FN1: variants seen among roughly 807,000 people sequenced by gnomAD.
FN1 encodes fibronectin.
A neutral mutation model predicts 297.3 loss-of-function variants in FN1; 106 were observed. That is an observed-to-expected ratio of 0.36 (90% confidence interval 0.30 to 0.42). FN1 has a LOEUF of 0.42. FN1 is among the 10% of genes least tolerant of loss of function. The pLI is 1.00. For missense variants in FN1, 2,690 were observed against 3,124.9 expected (o/e 0.86, Z 3.32); for synonymous variants, 1,149 against 1,152.6 (o/e 1.00, Z 0.06).
intron 22 of FN1, 89 bp downstream of exon 22, chr2:215,397,591 C>T (rs969401681): frequency 9.0e-7 from 1 of 1,105,456 alleles, no homozygotes; most frequent in South Asian, 1.3e-5. Flanking sequence ...GTGCCATTCT[C>T]ATAAGTAAAA....
At chr2:215,430,882 A>T (rs201728015) in intron 4 of FN1, 30 bp from the exon 5 acceptor site, 84 of 1,612,560 alleles carry the variant, frequency 5.2e-5, no homozygotes, top group Non-Finnish European at 7.0e-5. Context: ...AAAAACAGGA[A>T]AAAAAGGTTA....
Position 215,431,922 on chromosome 2 carries a change from G to A in FN1, c.458C>T (p.Thr153Ile), listed in dbSNP as rs757351972. 8 of 1,614,012 alleles carry A rather than the reference G, an allele frequency of 5.0e-6. No individual in the cohort carries two copies. The highest frequency in any genetic ancestry group is 5.9e-6 in the Non-Finnish European group (7 of 1,180,008). ...ACCAGTCTCATGTGGTCTCCTCCAG[G>A]TGTCACCAATCTTGTAGGACTGACC... ...EGGQSYKIGD[T>I]WRRPHETGGY... Residue 153 changes from threonine (T) to isoleucine (I), a missense_variant, in exon 4 of 46, where the codon ACC (threonine) becomes ATC (isoleucine). Around this residue, in one of 3 missense-constraint regions of FN1, gnomAD observed 876 missense variants for 1,058.1 expected, o/e 0.83. Coordinates refer to ENST00000354785, the MANE Select transcript of FN1 (RefSeq NM_212482.4).
At chr2:215,422,385 G>C (rs2064558298) in intron 9 of FN1, 142 bp from the exon 10 acceptor site, 2 of 835,762 alleles carry the variant, frequency 2.4e-6, no homozygotes, top group East Asian at 4.9e-5. Context: ...AGACATCTAA[G>C]TGCTGTCAGG....
intron 12 of FN1, among the ~76,000 whole-genome samples, chr2:215,417,201 A>T (rs2063549213): frequency 6.6e-6 from 1 of 152,188 alleles, no homozygotes; most frequent in Admixed American, 6.6e-5. Flanking sequence ...ATAACTTTTT[A>T]AATTAACTTA....
chr2:215,374,892 CA>C (rs2056980824), intron 38 of FN1, among the ~76,000 whole-genome samples: 1 of 152,296 alleles, frequency 6.6e-6, no homozygotes, highest in Non-Finnish European at 1.5e-5. Context: ...AGTGTAATGA[CA>C]GAATCACAAT....
chr2:215,401,265 A>AGGAAGGAAGGAAGGAAG (rs1553629825), intron 20 of FN1, among the ~76,000 whole-genome samples: 2 of 110,860 alleles, frequency 1.8e-5, no homozygotes, highest in Non-Finnish European at 1.9e-5. Flanking sequence ...AAAGAAAGGA[A>AGGAAGGAAGGAAGGAAG]GGAAAGGAAA....
intron 6 of FN1, 114 bp downstream of exon 6, chr2:215,428,066 T>C: frequency 2.4e-6 from 3 of 1,243,246 alleles, no homozygotes; most frequent in Non-Finnish European, 3.5e-6. Context: ...CTTAGGTTAT[T>C]AGCTGAAACA....
chr2:215,434,928 A>C (rs1471164401), intron 1 of FN1, 104 bp from the exon 2 acceptor site: 4 of 1,324,816 alleles, frequency 3.0e-6, no homozygotes, highest in Non-Finnish European at 4.3e-6. Context: ...TTTCCTTTTA[A>C]CTTTGCTAAA....
At chr2:215,405,731 A>G (rs2061693280) in intron 19 of FN1, among the ~76,000 whole-genome samples, 1 of 152,136 alleles carries the variant, frequency 6.6e-6, no homozygotes, top group Non-Finnish European at 1.5e-5. Context: ...CGACAGAGCG[A>G]GACTCCATCT....
chr2:215,375,210 A>C lies in FN1; in HGVS notation c.6157+4T>G. 1.9e-6 allele frequency: 3 copies of C among 1,613,192 alleles called. No individual in the cohort carries two copies. The highest frequency in any genetic ancestry group is 2.5e-6 in the Non-Finnish European group (3 of 1,179,160). ...GGAAAATGACAGCATGGAAGCAGCA[A>C]TACCAGTAATAGTAGCCTCTGTGAC... On this transcript the variant is annotated splice_donor_region_variant and intron_variant, in intron 38 of 45. Coordinates refer to ENST00000354785, the MANE Select transcript of FN1 (RefSeq NM_212482.4).
At chr2:215,428,974 C>T (rs1378025427) in intron 5 of FN1, among the ~76,000 whole-genome samples, 1 of 151,966 alleles carries the variant, frequency 6.6e-6, no homozygotes, top group Non-Finnish European at 1.5e-5. Context: ...GAGATCACAC[C>T]ATTGCACTCC....
chr2:215,372,427 A>G, intron 39 of FN1, 52 bp from the exon 40 acceptor site: 3 of 1,304,312 alleles, frequency 2.3e-6, no homozygotes, highest in African/African-American at 2.9e-5. Context: ...AGCTCCAGGA[A>G]GTAGCAGCAA....
At chr2:215,423,011 A>C (rs1309503294) in intron 9 of FN1, among the ~76,000 whole-genome samples, 1 of 152,222 alleles carries the variant, frequency 6.6e-6, no homozygotes, top group Non-Finnish European at 1.5e-5. Flanking sequence ...AAATGTTGTA[A>C]GCTACTCAGT....
chr2:215,397,929 TTAAA>T, intron 21 of FN1, 81 bp from the exon 22 acceptor site: 2 of 1,229,376 alleles, frequency 1.6e-6, no homozygotes, highest in Admixed American at 1.7e-5. Flanking sequence ...TGATTATGCT[TTAAA>T]TAGTGTAAAC....
rs974828684 is a variant in FN1 at position 215,365,813 on chromosome 2, T to A, written c.7019-183A>T. On this transcript the variant is annotated intron_variant, in intron 42 of 45. Coordinates refer to ENST00000354785, the MANE Select transcript of FN1 (RefSeq NM_212482.4). ...TTTATTTATTTACTTTTTATTTTTT[T>A]TTTTTTTTTTGAGACAAAGTCTTTC... 1,622 of 255,896 alleles carry A rather than the reference T, an allele frequency of 6.3e-3. 3 individuals carry two copies. The highest frequency in any genetic ancestry group is 0.017 in the South Asian group (157 of 9,378). The allele number at this position is 255,896 out of a possible 1,614,324, so 15.9% of individuals were successfully genotyped here.
At chr2:215,388,901 A>C (rs2059362596) in intron 26 of FN1, among the ~76,000 whole-genome samples, 1 of 152,184 alleles carries the variant, frequency 6.6e-6, no homozygotes, top group Non-Finnish European at 1.5e-5. Context: ...ACTGAGGCAC[A>C]GAGAAGTTAT....
chr2:215,419,348 T>C lies in FN1; in HGVS notation c.1713A>G (p.Gln571=), dbSNP rs367994071. 1 of 1,613,390 alleles carries C rather than the reference T, an allele frequency of 6.2e-7. No homozygotes were observed. Among genetic ancestry groups the C allele is most frequent in the African/African-American group, 1.3e-5 (1 of 74,912 alleles). Reference sequence around the variant, plus strand: ...CATACTTCTCCCATGAATCTCCAATTTGATAAAACGTCCCAGTCTCTGAAT... The same window carrying C: ...CATACTTCTCCCATGAATCTCCAATCTGATAAAACGTCCCAGTCTCTGAAT... ...CQDSETGTFY[Q]IGDSWEKYVH... Residue 571 remains glutamine, a synonymous_variant, in exon 12 of 46, where the codon CAA becomes CAG. Transcript: ENST00000354785.
At chr2:215,399,379 CA>C in intron 20 of FN1, 28 bp from the exon 21 acceptor site, 1 of 1,475,164 alleles carries the variant, frequency 6.8e-7, no homozygotes, top group Admixed American at 1.7e-5. Context: ...TGCACATATT[CA>C]AAACTCAAAC....
chr2:215,434,904 G>C, intron 1 of FN1, 80 bp from the exon 2 acceptor site: 5 of 1,509,012 alleles, frequency 3.3e-6, no homozygotes. Flanking sequence ...TGTGAATATT[G>C]ACGTACATAT....
Sources: gnomAD v4.1 joint callset for allele counts (sites outside exome capture counted in the v4.1 genomes callset) on GRCh38, gnomAD v4.1.1 for gene constraint, gnomAD v4.1.1 regional missense constraint, MANE v1.5 for transcripts, NCBI Gene and HGNC (gene_info 2026-07-23, HGNC 2026-07-21) for gene names.